Variants in COBL observed in about 807,000 individuals in gnomAD.
COBL encodes cordon-bleu WH2 repeat protein, also known as protein cordon-bleu.
In COBL, 51 loss-of-function variants were observed where a neutral mutation model predicts 98.8. The observed-to-expected ratio is 0.52, with a 90% CI of 0.41 to 0.65. The LOEUF is 0.65. Ranked by LOEUF, COBL falls within the 30% of genes least tolerant of loss-of-function variation. The pLI, the probability that COBL is intolerant of heterozygous loss-of-function variation, is 0.00. For missense variants in COBL, 1,617 were observed against 1,617.5 expected (o/e 1.00, Z 0.01); for synonymous variants, 634 against 651.7 (o/e 0.97, Z 0.41).
chr7:51,171,997 A>G (rs1395238841), intron 5 of COBL, among the ~76,000 whole-genome samples: 3 of 152,246 alleles, frequency 2.0e-5, no homozygotes, highest in Non-Finnish European at 4.4e-5. Context: ...TCTCTTGAGT[A>G]TTTGAAACTA....
In COBL at chr7:51,186,302, C is replaced by T. The variant is rs576216848; in HGVS notation, c.686-2103G>A. Among the ~76,000 whole-genome samples the T allele has an allele frequency of 2.0e-5, 3 of 152,276 alleles. No individual in the cohort carries two copies. The East Asian group carries it at 5.8e-4, about 29-fold the overall frequency. ...CGGCTTTATCCAGATGTGACCCCAT[C>T]GTAAGTCCAGGAGCATATTGAATGC... On this transcript the variant is annotated intron_variant, in intron 4 of 12. Transcript: ENST00000265136.
intron 1 of COBL, among the ~76,000 whole-genome samples, chr7:51,267,955 A>G (rs909672555): frequency 5.3e-5 from 8 of 152,196 alleles, no homozygotes; most frequent in African/African-American, 1.9e-4. Flanking sequence ...TGGATCACGA[A>G]GCACACCCGG....
Position 51,236,729 on chromosome 7 carries a change from A to C in COBL, c.42-16785T>G, listed in dbSNP as rs981175446. Among the ~76,000 whole-genome samples the C allele has an allele frequency of 5.3e-5, 8 of 152,182 alleles. No homozygotes were observed. In the East Asian group the frequency reaches 5.8e-4, roughly 11 times the overall value. Reference sequence around the variant, plus strand: ...TCCTCACCTGTAAAGGGGAATGGGAATACCTACTTCCCAGGTGCAATGCGT... The same window carrying C: ...TCCTCACCTGTAAAGGGGAATGGGACTACCTACTTCCCAGGTGCAATGCGT... On this transcript the variant is annotated intron_variant, in intron 1 of 12. Transcript: ENST00000265136.
At chr7:51,271,575 C>T (rs2129164649) in intron 1 of COBL, among the ~76,000 whole-genome samples, 1 of 152,224 alleles carries the variant, frequency 6.6e-6, no homozygotes, top group East Asian at 1.9e-4. Context: ...TTAAGAAAAA[C>T]AAAGGTGAGC....
At chr7:51,084,549 T>C (rs974195387) in intron 7 of COBL, among the ~76,000 whole-genome samples, 17 of 152,270 alleles carry the variant, frequency 1.1e-4, no homozygotes, top group African/African-American at 3.8e-4. Flanking sequence ...ATCATTCAGC[T>C]TCTCTCCACC....
rs1395412693 is a variant in COBL at position 51,061,946 on chromosome 7, T to TAC, written c.1097-18255_1097-18254insGT. ...TATAAAAAAAAATCTCTCCCCACCA[T>TAC]AGATACACACACACACACACACACA... On this transcript the variant is annotated intron_variant, in intron 7 of 12. Coordinates refer to ENST00000265136, the MANE Select transcript of COBL (RefSeq NM_015198.5). Among the ~76,000 whole-genome samples the TAC allele has an allele frequency of 2.5e-3, 245 of 96,128 alleles. 4 individuals are homozygous for TAC. The highest frequency in any genetic ancestry group is 0.01 in the Middle Eastern group (2 of 198). The allele number at this position is 96,128 out of a possible 152,430, so 63.1% of individuals were successfully genotyped here.
chr7:51,118,218 T>C (rs1267669921), intron 6 of COBL, among the ~76,000 whole-genome samples: 4 of 152,184 alleles, frequency 2.6e-5, no homozygotes, highest in Admixed American at 2.6e-4. Flanking sequence ...CATATCACAT[T>C]ACCATTAGCT....
intron 1 of COBL, among the ~76,000 whole-genome samples, chr7:51,280,223 G>C (rs189893376): frequency 2.2e-4 from 34 of 152,118 alleles, no homozygotes; most frequent in Non-Finnish European, 4.1e-4. Context: ...CTGGGCAGTG[G>C]GCAATGGCTT....
intron 6 of COBL, among the ~76,000 whole-genome samples, chr7:51,126,850 G>T (rs535025203): frequency 1.3e-5 from 2 of 152,114 alleles, no homozygotes; most frequent in Non-Finnish European, 2.9e-5. Context: ...TTAATTCAAG[G>T]TGCTCCCCCT....
intron 6 of COBL, among the ~76,000 whole-genome samples, chr7:51,119,638 AG>A (rs1349462315): frequency 2.6e-5 from 4 of 152,218 alleles, no homozygotes; most frequent in African/African-American, 9.6e-5. Context: ...GTGGAATTCA[AG>A]TCTTTATAGT....
At chr7:51,036,567 C>T (rs932701207) in intron 8 of COBL, among the ~76,000 whole-genome samples, 1 of 152,018 alleles carries the variant, frequency 6.6e-6, no homozygotes, top group African/African-American at 2.4e-5. Flanking sequence ...ACTACAGGCC[C>T]TCAGTCCCAT....
At chr7:51,314,328 T>TTTTATAATAAACCG (rs1424085945) in intron 1 of COBL, among the ~76,000 whole-genome samples, 1 of 152,212 alleles carries the variant, frequency 6.6e-6, no homozygotes, top group Non-Finnish European at 1.5e-5. Context: ...GAAAGTTTGA[T>TTTTATAATAAACCG]TTTATAATAA....
intron 6 of COBL, among the ~76,000 whole-genome samples, chr7:51,120,649 C>T (rs764919584): frequency 1.3e-5 from 2 of 152,096 alleles, no homozygotes; most frequent in African/African-American, 4.8e-5. Flanking sequence ...TCCCACCCCC[C>T]AGGCCCTGGC....
At chr7:51,110,748 T>A (rs1037973265) in intron 6 of COBL, among the ~76,000 whole-genome samples, 7 of 152,226 alleles carry the variant, frequency 4.6e-5, no homozygotes, top group African/African-American at 1.7e-4. Flanking sequence ...CTTTGTGTCC[T>A]CATAGCTTAG....
At chr7:51,306,540 G>C (rs1802492487) in intron 1 of COBL, among the ~76,000 whole-genome samples, 2 of 152,134 alleles carry the variant, frequency 1.3e-5, no homozygotes, top group African/African-American at 2.4e-5. Flanking sequence ...CAAAAGGGAA[G>C]GCTTTTCAAT....
chr7:51,213,607 G>C (rs77925879), intron 2 of COBL, among the ~76,000 whole-genome samples: 1 of 152,110 alleles, frequency 6.6e-6, no homozygotes, highest in Non-Finnish European at 1.5e-5. Flanking sequence ...CAGGTGACCT[G>C]AGGAAGCCCA....
rs1465239390 is a variant in COBL, at chr7:51,208,268, G to A, written c.245+11473C>T. ...CGTCTGAGAAGTGAGGAGCCCCTCCGCCCGGCAGCCACCCCGTCTGGGAAG... is the reference window on the plus strand; with the variant it reads ...CGTCTGAGAAGTGAGGAGCCCCTCCACCCGGCAGCCACCCCGTCTGGGAAG... On this transcript the variant is annotated intron_variant, in intron 2 of 12. Coordinates refer to ENST00000265136, the MANE Select transcript of COBL (RefSeq NM_015198.5). Among the ~76,000 whole-genome samples, 41 of 151,322 alleles carry A rather than the reference G, an allele frequency of 2.7e-4. No individual in the cohort carries two copies. In the East Asian group the frequency reaches 4.2e-3, roughly 15 times the overall value.
At chr7:51,208,576 T>G (rs555475573) in intron 2 of COBL, among the ~76,000 whole-genome samples, 211 of 152,242 alleles carry the variant, frequency 1.4e-3, no homozygotes, top group Non-Finnish European at 2.3e-3. Context: ...AGCGGCTCAT[T>G]GAGAACGGGC....
chr7:51,132,933 T>A (rs889984127), intron 6 of COBL, among the ~76,000 whole-genome samples: 2 of 152,058 alleles, frequency 1.3e-5, no homozygotes, highest in Non-Finnish European at 2.9e-5. Flanking sequence ...GAGGGATCCA[T>A]CTCCATGACC....
Sources: allele counts gnomAD v4.1 joint callset (sites outside exome capture counted in the v4.1 genomes callset), GRCh38; gene constraint gnomAD v4.1.1; transcripts MANE v1.5; gene names NCBI Gene and HGNC (gene_info 2026-07-23, HGNC 2026-07-21).